Variants in ATP10A observed in about 807,000 individuals in gnomAD.
ATP10A encodes phospholipid-transporting ATPase VA.
ATP10A carries 111 observed loss-of-function variants against 147.8 expected under a neutral mutation model. That is an observed-to-expected ratio of 0.75 (90% CI 0.64 to 0.88). ATP10A has a LOEUF of 0.88. Among genes scored for constraint, ATP10A ranks in the 40% least tolerant of loss-of-function variants. The probability of loss-of-function intolerance (pLI) is 0.00; values close to 1 mark genes in which losing one functional copy is unlikely to be tolerated. For synonymous variants in ATP10A, 875 were observed against 841.6 expected, an observed-to-expected ratio of 1.04 and a Z score of -0.69; for missense variants, 1,927 against 1,959.0, an observed-to-expected ratio of 0.98 and a Z score of 0.31.
intron 2 of ATP10A, among the ~76,000 whole-genome samples, chr15:25,768,153 G>A (rs778929639): frequency 1.6e-4 from 25 of 152,116 alleles, no homozygotes; most frequent in Non-Finnish European, 5.9e-5. Context: ...CCGGCATGAC[G>A]AGGAAACCGC....
chr15:25,735,962 A>T (rs1484360665), intron 3 of ATP10A, 94 bp downstream of exon 3: 2 of 1,123,930 alleles, frequency 1.8e-6, no homozygotes, highest in Non-Finnish European at 2.7e-6. Flanking sequence ...GGCAAAGAGT[A>T]TTAAATGCAT....
At chr15:25,791,726 AC>A (rs767392206) in intron 1 of ATP10A, among the ~76,000 whole-genome samples, 6 of 151,984 alleles carry the variant, frequency 3.9e-5, no homozygotes, top group Non-Finnish European at 8.8e-5. Context: ...TCTCTTCTTG[AC>A]CACGAAACCT....
At chr15:25,728,886 G>A (rs948552245) in intron 3 of ATP10A, among the ~76,000 whole-genome samples, 3 of 152,182 alleles carry the variant, frequency 2.0e-5, no homozygotes, top group African/African-American at 4.8e-5. Flanking sequence ...GTACTCCTGC[G>A]TGAACAGCCC....
chr15:25,682,246 C>T (rs2062354), intron 17 of ATP10A, among the ~76,000 whole-genome samples: 102,121 of 151,680 alleles, frequency 0.67, 34,997 homozygotes, highest in African/African-American at 0.81. Flanking sequence ...TTCTTAAGAG[C>T]GAGTCTTCAC....
At chr15:25,730,236 A>G (rs1201641086) in intron 3 of ATP10A, among the ~76,000 whole-genome samples, 8 of 150,784 alleles carry the variant, frequency 5.3e-5, no homozygotes, top group African/African-American at 7.4e-5. Flanking sequence ...CAGGAGGTGG[A>G]GGTTGCAGTG....
intron 1 of ATP10A, among the ~76,000 whole-genome samples, chr15:25,790,435 G>A (rs1023858175): frequency 5.3e-5 from 8 of 152,174 alleles, no homozygotes; most frequent in Admixed American, 1.3e-4. Context: ...AATACTGGTC[G>A]CTCTGTGGTA....
chr15:25,793,633 T>C (rs1296040317), intron 1 of ATP10A, among the ~76,000 whole-genome samples: 1 of 152,200 alleles, frequency 6.6e-6, no homozygotes, highest in Non-Finnish European at 1.5e-5. Context: ...GGATGAGTGG[T>C]TACTATTTTG....
At chr15:25,817,582 C>G (rs1891717220) in intron 1 of ATP10A, among the ~76,000 whole-genome samples, 1 of 152,182 alleles carries the variant, frequency 6.6e-6, no homozygotes, top group Admixed American at 6.5e-5. Context: ...AAATAATTTA[C>G]AGAAGTGCAG....
rs1259533940 is a variant in ATP10A at position 25,862,679 on chromosome 15, T to A, written c.418A>T (p.Ile140Phe). 6.2e-7 allele frequency: 1 copy of A among 1,600,386 alleles called. No homozygotes were observed. Among genetic ancestry groups the A allele is most frequent in the Non-Finnish European group, 8.5e-7 (1 of 1,171,212 alleles). Residue 140 changes from isoleucine (I) to phenylalanine (F), a missense_variant, in exon 1 of 21, where the codon ATC becomes TTC. Ile to Phe is a conservative substitution (Grantham distance 21). Coordinates refer to ENST00000555815, the MANE Select transcript of ATP10A (RefSeq NM_024490.4). Reference protein sequence around the residue: ...DYSRHRSDHKINHLGCLVFSR... With the variant: ...DYSRHRSDHKFNHLGCLVFSR... The stretch of plus-strand genomic sequence containing the variant: ...AAGACCAGGCAGCCCAGGTGGTTGA[T>A]CTTGTGGTCGGAGCGGTGGCGGCTG...
intron 14 of ATP10A, among the ~76,000 whole-genome samples, chr15:25,693,312 G>A (rs1452974288): frequency 1.3e-5 from 2 of 152,138 alleles, no homozygotes; most frequent in East Asian, 3.9e-4. Flanking sequence ...TGTGAACCAC[G>A]TGCCCAGCCA....
intron 1 of ATP10A, among the ~76,000 whole-genome samples, chr15:25,807,583 A>G (rs1891248945): frequency 6.6e-6 from 1 of 152,160 alleles, no homozygotes; most frequent in Non-Finnish European, 1.5e-5. Flanking sequence ...CGGGCAGATC[A>G]CCTGAGGTCA....
chr15:25,809,962 G>A lies in ATP10A; in HGVS notation c.450-28739C>T, dbSNP rs1444336853. ...AGCTGGAGAGCTACAAGCACTTCCA[G>A]AAAATCTGGGACATGCATGGTGAAC... On this transcript the variant is annotated intron_variant, in intron 1 of 20. Transcript: ENST00000555815. 2.8e-5 allele frequency among the ~76,000 whole-genome samples: 4 copies of A among 145,322 alleles called. No homozygotes were observed. The East Asian group carries it at 8.3e-4, about 30-fold the overall frequency.
chr15:25,811,020 C>T (rs935694961), intron 1 of ATP10A, among the ~76,000 whole-genome samples: 1 of 152,164 alleles, frequency 6.6e-6, no homozygotes, highest in Non-Finnish European at 1.5e-5. Flanking sequence ...TGTTACATGG[C>T]GGGGTCTCCC....
intron 1 of ATP10A, among the ~76,000 whole-genome samples, chr15:25,789,503 A>T (rs59602601): frequency 0.072 from 10,926 of 151,946 alleles, 526 homozygotes; most frequent in East Asian, 0.13. Context: ...GCCAAGGCCG[A>T]TGCCTTGGGA....
chr15:25,734,976 C>T (rs1001054140), intron 3 of ATP10A, among the ~76,000 whole-genome samples: 37 of 145,724 alleles, frequency 2.5e-4, no homozygotes, highest in South Asian at 6.8e-4. Context: ...ATCGCTCCCA[C>T]GCCTCCGTAT....
At chr15:25,737,061 T>C (rs902387925) in intron 2 of ATP10A, among the ~76,000 whole-genome samples, 1 of 152,256 alleles carries the variant, frequency 6.6e-6, no homozygotes, top group African/African-American at 2.4e-5. Flanking sequence ...CAGTTCCTAC[T>C]GTTTCCCAGT....
chr15:25,717,054 G>T, intron 8 of ATP10A, 130 bp from the exon 9 acceptor site: 2 of 556,234 alleles, frequency 3.6e-6, no homozygotes, highest in Non-Finnish European at 5.5e-6. Context: ...ATACATATAT[G>T]TCATTTTATA....
chr15:25,773,963 G>A (rs948988784), intron 2 of ATP10A, among the ~76,000 whole-genome samples: 1 of 151,780 alleles, frequency 6.6e-6, no homozygotes, highest in African/African-American at 2.4e-5. Flanking sequence ...TACACACAGA[G>A]GAAGTTTCAA....
At chr15:25,716,697 C>A in intron 9 of ATP10A, 33 bp downstream of exon 9, 3 of 1,511,040 alleles carry the variant, frequency 2.0e-6, no homozygotes, top group South Asian at 1.3e-5. Flanking sequence ...CGCAGAAGGT[C>A]AAGGTCAAGC....
Sources: allele counts gnomAD v4.1 joint callset (sites outside exome capture counted in the v4.1 genomes callset), GRCh38; gene constraint gnomAD v4.1.1; transcripts MANE v1.5; gene names NCBI Gene and HGNC (gene_info 2026-07-23, HGNC 2026-07-21).